Variants in PDE3A observed in about 807,000 individuals in gnomAD.
PDE3A encodes phosphodiesterase 3A.
Under a neutral mutation model 98.3 loss-of-function variants are expected in PDE3A, and 43 were observed. The ratio of observed to expected loss-of-function variants is 0.44; its 90% confidence interval spans 0.34 to 0.56. PDE3A has a LOEUF of 0.56. Among genes scored for constraint, PDE3A ranks in the 20% least tolerant of loss-of-function variants. The pLI is 0.01. For missense variants in PDE3A, 1,427 were observed against 1,440.7 expected (o/e 0.99, Z 0.15); for synonymous variants, 663 against 567.9 (o/e 1.17, Z -2.38).
At chr12:20,397,692 G>A (rs1459026035) in intron 1 of PDE3A, among the ~76,000 whole-genome samples, 2 of 151,826 alleles carry the variant, frequency 1.3e-5, no homozygotes, top group Non-Finnish European at 2.9e-5. Context: ...AAAAAAAATA[G>A]AGATATTCTT....
chr12:20,370,401 TTTTTTTTGTTTTTTTTTTTTTG>T (rs1286192395), intron 1 of PDE3A, 157 bp downstream of exon 1: 5 of 423,004 alleles, frequency 1.2e-5, no homozygotes, highest in Admixed American at 5.1e-5. Context: ...TTTTTTTTTG[TTTTTTTTGTTTTTTTTTTTTTG>T]TTTTTTTGCC....
intron 15 of PDE3A, among the ~76,000 whole-genome samples, chr12:20,667,696 T>C (rs538021102): frequency 6.6e-6 from 1 of 152,296 alleles, no homozygotes; most frequent in South Asian, 2.1e-4. Flanking sequence ...TGAAGTCAGG[T>C]AGTGTGGTGC....
intron 1 of PDE3A, among the ~76,000 whole-genome samples, chr12:20,433,957 A>T (rs547086705): frequency 1.3e-5 from 2 of 152,248 alleles, no homozygotes; most frequent in African/African-American, 4.8e-5. Context: ...TAGTGGAAAA[A>T]TTGGGTGATC....
intron 15 of PDE3A, among the ~76,000 whole-genome samples, chr12:20,669,296 C>G (rs1393367369): frequency 6.6e-6 from 1 of 152,134 alleles, no homozygotes; most frequent in Non-Finnish European, 1.5e-5. Flanking sequence ...TCCAGGAGAA[C>G]TTCCCCAATC....
At chr12:20,377,820 A>G (rs1446782722) in intron 1 of PDE3A, among the ~76,000 whole-genome samples, 2 of 151,794 alleles carry the variant, frequency 1.3e-5, no homozygotes, top group Admixed American at 6.6e-5. Flanking sequence ...CACAGTATCA[A>G]TATTTCCAGT....
intron 1 of PDE3A, among the ~76,000 whole-genome samples, chr12:20,543,212 T>C (rs1335200053): frequency 1.3e-5 from 2 of 151,826 alleles, no homozygotes; most frequent in African/African-American, 4.8e-5. Context: ...GTGGTTATTT[T>C]ATAAATATTT....
chr12:20,617,696 T>C (rs114438215), intron 4 of PDE3A, among the ~76,000 whole-genome samples: 2,863 of 152,242 alleles, frequency 0.019, 88 homozygotes, highest in African/African-American at 0.065. Context: ...AAGTTTCCTG[T>C]CATAGTATAG....
At chr12:20,515,699 ATTATTTAT>A (rs58454608) in intron 1 of PDE3A, among the ~76,000 whole-genome samples, 8,576 of 141,006 alleles carry the variant, frequency 0.061, 280 homozygotes, top group Non-Finnish European at 0.071. Flanking sequence ...CTCACACTGT[ATTATTTAT>A]TTATTTATTT....
Position 20,568,339 on chromosome 12 carries a change from G to A in PDE3A, c.1011+11629G>A, listed in dbSNP as rs145382095. On this transcript the variant is annotated intron_variant, in intron 2 of 15. Coordinates refer to ENST00000359062, the MANE Select transcript of PDE3A (RefSeq NM_000921.5). ...AAAACATCAACTATTTTTATCTGGAGTGAATTTCTGCCAATATTAATTAGG... is the reference window on the plus strand; with the variant it reads ...AAAACATCAACTATTTTTATCTGGAATGAATTTCTGCCAATATTAATTAGG... Among the ~76,000 whole-genome samples, 57 of 152,052 alleles carry A rather than the reference G, an allele frequency of 3.7e-4. 1 individual carries two copies. In the South Asian group the frequency reaches 5.6e-3, roughly 15 times the overall value.
chr12:20,484,798 A>G (rs1403556260), intron 1 of PDE3A, among the ~76,000 whole-genome samples: 4 of 152,202 alleles, frequency 2.6e-5, no homozygotes, highest in Non-Finnish European at 2.9e-5. Context: ...TCATTGACGT[A>G]CGGATGACTA....
At chr12:20,480,303 T>A (rs1398225630) in intron 1 of PDE3A, among the ~76,000 whole-genome samples, 1 of 152,128 alleles carries the variant, frequency 6.6e-6, no homozygotes, top group Non-Finnish European at 1.5e-5. Flanking sequence ...CAATAGAACA[T>A]CATCCAGGTT....
rs548591253 is a variant in PDE3A at position 20,685,276 on chromosome 12, G to C, written c.*5005G>C. Among the ~76,000 whole-genome samples, 1 of 151,978 alleles carries C rather than the reference G, an allele frequency of 6.6e-6. No homozygotes were observed. Among genetic ancestry groups the C allele is most frequent in the African/African-American group, 2.4e-5 (1 of 41,450 alleles). Reference sequence around the variant, plus strand: ...AAAAATACAAAATGATTCAGGTGTGGTGGCGCATGTCTGTAATCCCAGCTA... The same window carrying C: ...AAAAATACAAAATGATTCAGGTGTGCTGGCGCATGTCTGTAATCCCAGCTA... On this transcript the variant is annotated 3_prime_UTR_variant, in exon 16 of 16. Coordinates refer to ENST00000359062, the MANE Select transcript of PDE3A (RefSeq NM_000921.5).
intron 1 of PDE3A, among the ~76,000 whole-genome samples, chr12:20,493,797 AT>A (rs935558133): frequency 3.3e-5 from 5 of 152,214 alleles, no homozygotes; most frequent in Admixed American, 6.5e-5. Flanking sequence ...AGCCCAGCTA[AT>A]TTTGTATTTT....
At chr12:20,567,855 A>C (rs1942700276) in intron 2 of PDE3A, among the ~76,000 whole-genome samples, 1 of 152,036 alleles carries the variant, frequency 6.6e-6, no homozygotes, top group African/African-American at 2.4e-5. Flanking sequence ...AGAAAAATAT[A>C]TAATTTTACT....
At chr12:20,495,980 A>G (rs576235240) in intron 1 of PDE3A, among the ~76,000 whole-genome samples, 3 of 152,322 alleles carry the variant, frequency 2.0e-5, no homozygotes, top group Non-Finnish European at 4.4e-5. Context: ...TAAATCATTT[A>G]ATTTTTATTC....
chr12:20,644,891 CT>C (rs199535934), intron 10 of PDE3A, among the ~76,000 whole-genome samples: 27,503 of 106,266 alleles, frequency 0.26, 3,144 homozygotes, highest in East Asian at 0.41. Context: ...CTTCTTCCTT[CT>C]TTTTTTTTTT....
intron 7 of PDE3A, 64 bp downstream of exon 7, chr12:20,633,842 C>A: frequency 4.2e-6 from 4 of 959,882 alleles, no homozygotes; most frequent in South Asian, 3.0e-5. Context: ...TTTTCCTGAT[C>A]AAAACAGTGA....
chr12:20,505,825 G>T (rs2121098327), intron 1 of PDE3A, among the ~76,000 whole-genome samples: 3 of 151,994 alleles, frequency 2.0e-5, no homozygotes, highest in Admixed American at 2.0e-4. Context: ...AAGGCTTTTT[G>T]CAAGAAAATA....
At chr12:20,512,685 G>C (rs1243179559) in intron 1 of PDE3A, among the ~76,000 whole-genome samples, 3 of 152,066 alleles carry the variant, frequency 2.0e-5, no homozygotes, top group African/African-American at 4.8e-5. Context: ...GAGTTTCTGA[G>C]CATCTTAGAG....
Sources: allele counts gnomAD v4.1 joint callset (sites outside exome capture counted in the v4.1 genomes callset), GRCh38; gene constraint gnomAD v4.1.1; transcripts MANE v1.5; gene names NCBI Gene and HGNC (gene_info 2026-07-23, HGNC 2026-07-21).